The following FOCAD variants were observed in gnomAD, a reference collection of about 807,000 sequenced individuals.
The protein encoded by FOCAD is focadhesin.
In FOCAD, 198 loss-of-function variants were observed where a neutral mutation model predicts 225.6. That is an observed-to-expected ratio of 0.88 (90% CI 0.78 to 0.99). FOCAD has a LOEUF of 0.99. Ranked by LOEUF, FOCAD falls within the 50% of genes least tolerant of loss-of-function variation. The pLI is 0.00. For synonymous variants in FOCAD, 897 were observed against 755.0 expected (o/e 1.19, Z -3.08); for missense variants, 2,713 against 2,123.6 (o/e 1.28, Z -5.46).
rs17685614 is a variant in FOCAD at position 20,715,669 on chromosome 9, T to C, written c.57+259T>C. On this transcript the variant is annotated intron_variant, in intron 2 of 43. Coordinates refer to ENST00000338382, the MANE Select transcript of FOCAD (RefSeq NM_001375567.1). ...AGATAATAAAACCTTGATTAACTAG[T>C]AGGCCCCTGAATATGTTTGTTTGGT... Among the ~76,000 whole-genome samples the C allele has an allele frequency of 6.8e-3, 1,028 of 152,208 alleles. 9 individuals carry two copies. Among genetic ancestry groups the C allele is most frequent in the Non-Finnish European group, 0.01 (687 of 68,004 alleles).
At chr9:20,952,871 GCATAAA>G in intron 34 of FOCAD, 108 bp from the exon 35 acceptor site, 1 of 779,062 alleles carries the variant, frequency 1.3e-6, no homozygotes, top group Non-Finnish European at 2.2e-6. Context: ...GAGATTAATG[GCATAAA>G]CATCTCCACT....
upstream of FOCAD, among the ~76,000 whole-genome samples, chr9:20,682,137 C>T (rs1396278365): frequency 6.6e-6 from 1 of 152,192 alleles, no homozygotes; most frequent in Non-Finnish European, 1.5e-5. Context: ...AGGAATGGAA[C>T]CTCACCATAT....
intron 11 of FOCAD, among the ~76,000 whole-genome samples, chr9:20,817,728 T>C (rs1823879698): frequency 1.3e-5 from 2 of 152,138 alleles, no homozygotes; most frequent in Non-Finnish European, 2.9e-5. Context: ...ACTTTATTTA[T>C]TTTTATGGCT....
intron 7 of FOCAD, among the ~76,000 whole-genome samples, chr9:20,769,254 G>A (rs1056775756): frequency 2.6e-5 from 4 of 152,166 alleles, no homozygotes; most frequent in East Asian, 3.9e-4. Context: ...GGGTTATTAT[G>A]GTGATAACCA....
At chr9:20,898,446 G>A (rs890312402) in intron 21 of FOCAD, among the ~76,000 whole-genome samples, 2 of 151,292 alleles carry the variant, frequency 1.3e-5, no homozygotes, top group African/African-American at 4.9e-5. Context: ...TCGCTTTTTA[G>A]TTTTAGAGGT....
intron 11 of FOCAD, among the ~76,000 whole-genome samples, chr9:20,818,994 C>A (rs1362217994): frequency 6.6e-6 from 1 of 152,010 alleles, no homozygotes; most frequent in Non-Finnish European, 1.5e-5. Flanking sequence ...TCTTCTAATC[C>A]ATGAATGTAT....
At chr9:20,939,076 G>T (rs181069471) in intron 28 of FOCAD, among the ~76,000 whole-genome samples, 4,149 of 142,244 alleles carry the variant, frequency 0.029, 66 homozygotes, top group Middle Eastern at 0.055. Flanking sequence ...TGTGAACCCG[G>T]GAGGCGGAGC....
intron 35 of FOCAD, among the ~76,000 whole-genome samples, chr9:20,970,983 G>C (rs1003127997): frequency 2.0e-5 from 3 of 152,100 alleles, no homozygotes; most frequent in African/African-American, 7.2e-5. Flanking sequence ...GGGTAACTTG[G>C]AGTATTACAG....
chr9:20,923,738 C>A lies in FOCAD; in HGVS notation c.2931C>A (p.Ser977Arg), dbSNP rs760398467. Residue 977 changes from serine (S) to arginine (R), a missense_variant, in exon 25 of 44, where the codon AGC (serine) becomes AGA (arginine). Transcript: ENST00000338382. ...LAVVVSRHEASLSSDSDGLLE... is the reference protein window; with the variant it reads ...LAVVVSRHEARLSSDSDGLLE... ...TCGTCGTATCTAGACATGAAGCCAGCCTCTCCTCAGACTCTGACGGGCTCC... is the reference window on the plus strand; with the variant it reads ...TCGTCGTATCTAGACATGAAGCCAGACTCTCCTCAGACTCTGACGGGCTCC... 6.2e-7 allele frequency: 1 copy of A among 1,613,866 alleles called. No homozygotes were observed. The highest frequency in any genetic ancestry group is 1.1e-5 in the South Asian group (1 of 91,032).
intron 35 of FOCAD, among the ~76,000 whole-genome samples, chr9:20,973,509 C>G (rs58520505): frequency 2.6e-5 from 4 of 151,078 alleles, no homozygotes; most frequent in Non-Finnish European, 5.9e-5. Context: ...TGACTCTGCC[C>G]TACTTCCCCC....
chr9:20,738,984 A>G (rs1201489579), intron 4 of FOCAD, among the ~76,000 whole-genome samples: 2 of 152,140 alleles, frequency 1.3e-5, no homozygotes. Flanking sequence ...TACTTACAGG[A>G]CATCTGAATT....
chr9:20,889,844 G>A (rs1295077913), intron 21 of FOCAD, among the ~76,000 whole-genome samples: 10 of 152,094 alleles, frequency 6.6e-5, no homozygotes, highest in Non-Finnish European at 1.2e-4. Context: ...TGACATCTTG[G>A]TAATAGAGTA....
intron 20 of FOCAD, among the ~76,000 whole-genome samples, chr9:20,883,252 A>G (rs1830830181): frequency 6.6e-6 from 1 of 152,246 alleles, no homozygotes; most frequent in Admixed American, 6.5e-5. Flanking sequence ...TACTTTCAAA[A>G]TATATGACAA....
intron 15 of FOCAD, among the ~76,000 whole-genome samples, chr9:20,851,351 C>T (rs1827638218): frequency 6.6e-6 from 1 of 151,556 alleles, no homozygotes; most frequent in Non-Finnish European, 1.5e-5. Flanking sequence ...CAGATATCTG[C>T]ATAAATGTTC....
At chr9:20,926,078 CATAAAAG>C (rs1834911723) in intron 25 of FOCAD, among the ~76,000 whole-genome samples, 3 of 152,138 alleles carry the variant, frequency 2.0e-5, no homozygotes, top group Non-Finnish European at 4.4e-5. Context: ...CTAATTTGTT[CATAAAAG>C]ATACATCTTA....
intron 15 of FOCAD, 60 bp from the exon 16 acceptor site, chr9:20,862,518 T>A (rs1828863890): frequency 1.3e-6 from 2 of 1,564,422 alleles, no homozygotes; most frequent in South Asian, 2.4e-5. Context: ...TACTCTTAAT[T>A]AATGGCTTCA....
intron 4 of FOCAD, among the ~76,000 whole-genome samples, chr9:20,729,457 CA>C (rs2131596626): frequency 6.6e-6 from 1 of 152,220 alleles, no homozygotes; most frequent in East Asian, 1.9e-4. Flanking sequence ...GATCTCATCC[CA>C]AGATACTTAA....
rs74641074 is a variant in FOCAD, at chr9:20,804,091, C to T, written c.1455+14483C>T. Among the ~76,000 whole-genome samples the T allele has an allele frequency of 1.9e-3, 291 of 152,026 alleles. 1 individual carries two copies. Among genetic ancestry groups the T allele is most frequent in the African/African-American group, 6.4e-3 (266 of 41,490 alleles). On this transcript the variant is annotated intron_variant, in intron 11 of 43. Transcript: ENST00000338382. ...AGTAGAGATTGCCAGAAGGTGGGTT[C>T]GATTCACACCTTTTCCTTTGGTTTC...
chr9:20,724,494 T>C (rs1163030900), intron 4 of FOCAD, among the ~76,000 whole-genome samples: 4 of 152,174 alleles, frequency 2.6e-5, no homozygotes, highest in African/African-American at 7.2e-5. Context: ...GTTCATATTG[T>C]CTAAATTGTC....
Sources: gnomAD v4.1 joint callset for allele counts (sites outside exome capture counted in the v4.1 genomes callset) on GRCh38, gnomAD v4.1.1 for gene constraint, MANE v1.5 for transcripts, NCBI Gene and HGNC (gene_info 2026-07-23, HGNC 2026-07-21) for gene names.